Variants in IGSF1 observed in about 807,000 individuals in gnomAD.
IGSF1 encodes the protein immunoglobulin superfamily member 1.
IGSF1 carries 40 observed loss-of-function variants against 95.3 expected under a neutral mutation model. The ratio of observed to expected loss-of-function variants is 0.42; its 90% CI spans 0.33 to 0.55. The LOEUF is 0.55. Ranked by LOEUF, IGSF1 falls within the 20% of genes least tolerant of loss-of-function variation. The pLI, the probability that IGSF1 is intolerant of heterozygous loss-of-function variation, is 0.10. For missense variants in IGSF1, 906 were observed against 1,025.4 expected, an observed-to-expected ratio of 0.88 and a Z score of 1.59; for synonymous variants, 372 against 382.9, an observed-to-expected ratio of 0.97 and a Z score of 0.33.
chrX:131,275,810 T>A, intron 15 of IGSF1, 45 bp from the exon 16 acceptor site: 1 of 1,174,484 alleles, frequency 8.5e-7, no homozygotes, highest in Non-Finnish European at 1.2e-6. Context: ...TAGAAACTTA[T>A]GAGTTCCTGC....
intron 7 of IGSF1, 101 bp from the exon 8 acceptor site, chrX:131,282,045 TCCACTTCCACTTGG>T (rs1165433393): frequency 9.3e-6 from 7 of 753,067 alleles, no homozygotes; most frequent in Non-Finnish European, 1.3e-5. Flanking sequence ...TCTCTTCCTT[TCCACTTCCACTTGG>T]CCAGTGGCTT....
At chrX:131,279,231 C>G (rs376067122) in intron 10 of IGSF1, 40 bp downstream of exon 10, 178 of 1,207,273 alleles carry the variant, frequency 1.5e-4, no homozygotes, top group Non-Finnish European at 1.9e-4. Context: ...GACTTCACCC[C>G]GGCCTTCTGC....
rs745964986 is a variant in IGSF1 at position 131,274,763 on chromosome X, T to C, written c.3587A>G (p.His1196Arg). 44 of 1,209,809 alleles carry C rather than the reference T, an allele frequency of 3.6e-5. No homozygotes were observed. Among genetic ancestry groups the C allele is most frequent in the Non-Finnish European group, 4.7e-5 (42 of 895,089 alleles). ...CTGCTGAGGTGCTTCTTCTCCATCA[T>C]GTTCTAGGACAAATTCAACACCTGG... ...PLPGVEFVLE[H>R]DGEEAPQQFS... The change falls in exon 18 of 20, where the codon CAT (histidine) becomes CGT (arginine). Residue 1196 changes from histidine (H) to arginine (R), a missense_variant. Transcript: ENST00000361420.
At position 131,281,866 on chromosome X, in the gene IGSF1, C is replaced by T. The variant is rs765044401; in HGVS notation, c.1325G>A (p.Arg442Gln). ...KLGKAITLQC[R>Q]VSHPVLEFSL... ...AAATTCCAGTACTGGATGAGATACT[C>T]GGCACTGAAGGGTGATGGCCTTTCC... Residue 442 changes from arginine (R) to glutamine (Q), a missense_variant, in exon 8 of 20, where the codon CGA becomes CAA. Arg to Gln is a conservative substitution (Grantham distance 43). Transcript: ENST00000361420. The T allele has an allele frequency of 9.1e-6, 11 of 1,209,717 alleles. No individual in the cohort carries two copies. Among genetic ancestry groups the T allele is most frequent in the South Asian group, 3.5e-5 (2 of 56,921 alleles).
chrX:131,279,090 T>A (rs1369984529), intron 11 of IGSF1, 53 bp downstream of exon 11: 2 of 1,114,133 alleles, frequency 1.8e-6, no homozygotes, highest in East Asian at 6.0e-5. Flanking sequence ...CGCTCTGTAG[T>A]TATTTCGGAT....
At position 131,274,982 on chromosome X, in the gene IGSF1, A is replaced by G. The variant is rs1569400889; in HGVS notation, c.3472+17T>C. 1.7e-6 allele frequency: 2 copies of G among 1,208,161 alleles called. No homozygotes were observed. Among genetic ancestry groups the G allele is most frequent in the Non-Finnish European group, 2.2e-6 (2 of 892,768 alleles). ...ACTACAAAATCGTGACTTGTACTGA[A>G]GTCTCCAGGACCTTACCAGTCACCC... On this transcript the variant is annotated intron_variant, in intron 17 of 19. Coordinates refer to ENST00000361420, the MANE Select transcript of IGSF1 (RefSeq NM_001555.5).
At chrX:131,283,285 A>G in intron 5 of IGSF1, 21 bp from the exon 6 acceptor site, 4 of 1,152,313 alleles carry the variant, frequency 3.5e-6, no homozygotes, top group Non-Finnish European at 4.7e-6. Context: ...AAGAGACCCT[A>G]AAGTTAGAGG....
At position 131,274,779 on chromosome X, in the gene IGSF1, C is replaced by T; in HGVS notation, c.3571G>A (p.Glu1191Lys). 1 of 1,211,315 alleles carries T rather than the reference C, an allele frequency of 8.3e-7. No homozygotes were observed. Among genetic ancestry groups the T allele is most frequent in the Non-Finnish European group, 1.1e-6 (1 of 895,086 alleles). Reference sequence around the variant, plus strand: ...TCTCCATCATGTTCTAGGACAAATTCAACACCTGGCAGGGGTCCTCGGCAC... The same window carrying T: ...TCTCCATCATGTTCTAGGACAAATTTAACACCTGGCAGGGGTCCTCGGCAC... ...LQCRGPLPGV[E>K]FVLEHDGEEA... Residue 1191 changes from glutamate to lysine, a missense_variant, in exon 18 of 20, where the codon GAA (glutamate) becomes AAA (lysine). Around this residue, in one of 5 missense-constraint regions of IGSF1, gnomAD observed 411 missense variants for 494.9 expected, o/e 0.83. Transcript: ENST00000361420.
chrX:131,276,663 G>A (rs1298106948), intron 14 of IGSF1, among the ~76,000 whole-genome samples: 3 of 111,248 alleles, frequency 2.7e-5, no homozygotes, highest in Non-Finnish European at 5.7e-5. Flanking sequence ...GCAGAAATAG[G>A]GCAAGTTGAA....
Position 131,278,636 on chromosome X carries a change from A to G in IGSF1, c.1866T>C (p.Phe622=). ...CRSPSGSTKE[F]VLLKDGTGWI... ...ACCCGGTCCCATCCTTCAGCAACACAAACTCCTTAGTTGAGCCAGAAGGGC... is the reference window on the plus strand; with the variant it reads ...ACCCGGTCCCATCCTTCAGCAACACGAACTCCTTAGTTGAGCCAGAAGGGC... Residue 622 remains phenylalanine, a synonymous_variant, in exon 12 of 20, where the codon TTT becomes TTC. Transcript: ENST00000361420. 1.7e-6 allele frequency: 2 copies of G among 1,211,319 alleles called. No homozygotes were observed. Among genetic ancestry groups the G allele is most frequent in the South Asian group, 1.8e-5 (1 of 56,960 alleles).
At chrX:131,289,434 TC>T (rs777308708), upstream of IGSF1, 1 of 344,078 alleles carries the variant, frequency 2.9e-6, no homozygotes, top group African/African-American at 2.6e-5. Context: ...GCACCTGCAG[TC>T]CTCTGACGAC....
chrX:131,287,488 C>T (rs771278234), intron 1 of IGSF1, among the ~76,000 whole-genome samples: 1 of 110,726 alleles, frequency 9.0e-6, no homozygotes, highest in African/African-American at 3.3e-5. Context: ...ATATTACTCT[C>T]ATTCTTGTCT....
intron 9 of IGSF1, among the ~76,000 whole-genome samples, chrX:131,279,582 C>G (rs1642060233): frequency 9.3e-6 from 1 of 107,526 alleles, no homozygotes; most frequent in African/African-American, 3.4e-5. Context: ...CACTCCGCAG[C>G]CTATATCATA....
chrX:131,289,338 T>C, upstream of IGSF1: 2 of 369,409 alleles, frequency 5.4e-6, no homozygotes, highest in Non-Finnish European at 1.1e-5. Context: ...CGCCTTCCTC[T>C]CTCCCCCGCC....
At chrX:131,279,240 G>T in intron 10 of IGSF1, 31 bp downstream of exon 10, 7 of 1,209,176 alleles carry the variant, frequency 5.8e-6, no homozygotes, top group Non-Finnish European at 7.8e-6. Context: ...CCGGCCTTCT[G>T]CCCGGGGCCC....
intron 9 of IGSF1, chrX:131,280,882 A>G (rs1014625961): frequency 6.0e-6 from 1 of 167,960 alleles, no homozygotes; most frequent in African/African-American, 3.0e-5. Flanking sequence ...TACAAGAGGA[A>G]AAATCCAGAA....
intron 13 of IGSF1, 85 bp from the exon 14 acceptor site, chrX:131,277,311 A>G (rs1212077539): frequency 3.3e-6 from 3 of 906,290 alleles, no homozygotes; most frequent in Non-Finnish European, 4.5e-6. Flanking sequence ...GAAAGCAAAT[A>G]TAGCAAATAT....
intron 13 of IGSF1, chrX:131,277,461 G>T: frequency 2.6e-6 from 1 of 389,033 alleles, no homozygotes; most frequent in Non-Finnish European, 4.4e-6. Context: ...TGTGATCAGG[G>T]CAGGCAATGG....
chrX:131,288,491 G>T (rs542368147), intron 1 of IGSF1, among the ~76,000 whole-genome samples: 26 of 110,760 alleles, frequency 2.3e-4, no homozygotes, highest in African/African-American at 8.5e-4. Context: ...CAAGGGAGAG[G>T]TTCAACCTGG....
Sources: gnomAD v4.1 joint callset for allele counts (sites outside exome capture counted in the v4.1 genomes callset) on GRCh38, gnomAD v4.1.1 for gene constraint, gnomAD v4.1.1 regional missense constraint, MANE v1.5 for transcripts, NCBI Gene and HGNC (gene_info 2026-07-23, HGNC 2026-07-21) for gene names.